PDCD1LG2: variants seen among roughly 807,000 people sequenced by gnomAD.
PDCD1LG2 encodes programmed cell death 1 ligand 2.
PDCD1LG2 carries 32 observed loss-of-function variants against 28.2 expected under a neutral mutation model. The ratio of observed to expected loss-of-function variants is 1.13; its 90% CI spans 0.86 to 1.52. The LOEUF (loss-of-function observed/expected upper bound fraction) is 1.52. Ranked by LOEUF, PDCD1LG2 falls within the 40% of genes most tolerant of loss-of-function variation. PDCD1LG2 has a pLI of 0.00. For missense variants in PDCD1LG2, 385 were observed against 323.8 expected (o/e 1.19, Z -1.45); for synonymous variants, 116 against 120.2 (o/e 0.97, Z 0.23).
At chr9:5,538,643 G>A (rs569966730) in intron 3 of PDCD1LG2, among the ~76,000 whole-genome samples, 3 of 151,004 alleles carry the variant, frequency 2.0e-5, no homozygotes, top group South Asian at 2.1e-4. Context: ...AGCCGAGATC[G>A]CTCCACTGCA....
chr9:5,535,235 C>T (rs150000123), intron 3 of PDCD1LG2, among the ~76,000 whole-genome samples, 185 bp downstream of exon 3: 4 of 152,138 alleles, frequency 2.6e-5, no homozygotes, highest in South Asian at 4.1e-4. Flanking sequence ...ACAAAGCAGC[C>T]GAAGTACAAG....
chr9:5,526,818 T>A (rs1487366331), intron 2 of PDCD1LG2, among the ~76,000 whole-genome samples: 1 of 152,228 alleles, frequency 6.6e-6, no homozygotes, highest in African/African-American at 2.4e-5. Flanking sequence ...TGTATGTTCT[T>A]TATAGTTTCC....
chr9:5,535,248 A>T, intron 3 of PDCD1LG2, among the ~76,000 whole-genome samples, 198 bp downstream of exon 3: 1 of 152,230 alleles, frequency 6.6e-6, no homozygotes, highest in African/African-American at 2.4e-5. Flanking sequence ...AGTACAAGTG[A>T]AAGGGGGTAG....
chr9:5,559,392 T>C lies in PDCD1LG2; in HGVS notation c.766+1640T>C, dbSNP rs577394701. 5.3e-5 allele frequency among the ~76,000 whole-genome samples: 8 copies of C among 152,338 alleles called. No homozygotes were observed. In the South Asian group the frequency reaches 1.7e-3, roughly 32 times the overall value. The stretch of plus-strand genomic sequence containing the variant: ...GCATTCAGATCTGCTTTCTTACATG[T>C]GTCTGCCATGCACACAAACTTGTGT... On this transcript the variant is annotated intron_variant, in intron 5 of 6. Transcript: ENST00000397747.
intron 5 of PDCD1LG2, among the ~76,000 whole-genome samples, chr9:5,559,575 AAGC>A (rs1338039229): frequency 6.6e-6 from 1 of 152,098 alleles, no homozygotes; most frequent in Admixed American, 6.5e-5. Flanking sequence ...GTAAAAGGGG[AAGC>A]AGCAAGAGAA....
intron 5 of PDCD1LG2, among the ~76,000 whole-genome samples, chr9:5,561,106 T>C (rs1316838382): frequency 6.6e-6 from 1 of 152,204 alleles, no homozygotes; most frequent in African/African-American, 2.4e-5. Context: ...ACATTGAACC[T>C]ACTATATGCA....
chr9:5,569,801 GA>G lies in PDCD1LG2; in HGVS notation c.817-150del, dbSNP rs1194616240. On this transcript the variant is annotated intron_variant, in intron 6 of 6. Coordinates refer to ENST00000397747, the MANE Select transcript of PDCD1LG2 (RefSeq NM_025239.4). This position sits in a 1 kb window ranked among gnomAD's most constrained non-coding sequence, Gnocchi z 4.1. ...GACTAGGGCAATGGTAAAAACTGTGGAAAGAAGTTTTAAATGAAAAGTTTTA... is the reference window on the plus strand; with the variant it reads ...GACTAGGGCAATGGTAAAAACTGTGGAAGAAGTTTTAAATGAAAAGTTTTA... Among the ~76,000 whole-genome samples, 3 of 152,208 alleles carry G rather than the reference GA, an allele frequency of 2.0e-5. No individual in the cohort carries two copies. The highest frequency in any genetic ancestry group is 4.4e-5 in the Non-Finnish European group (3 of 68,038).
At chr9:5,511,422 C>A (rs887749304) in intron 1 of PDCD1LG2, among the ~76,000 whole-genome samples, 1 of 152,184 alleles carries the variant, frequency 6.6e-6, no homozygotes, top group Non-Finnish European at 1.5e-5. Flanking sequence ...ATTGATTGCT[C>A]ACCGCCTGGA....
At position 5,544,191 on chromosome 9, in the gene PDCD1LG2, G is replaced by A. The variant is rs150941385; in HGVS notation, c.362-5144G>A. Among the ~76,000 whole-genome samples, 161 of 152,316 alleles carry A rather than the reference G, an allele frequency of 1.1e-3. 1 individual carries two copies. Among genetic ancestry groups the A allele is most frequent in the African/African-American group, 3.6e-3 (149 of 41,572 alleles). ...TTTAAACCTGTGGAAATCTAAAGCT[G>A]AAACTAGTAATTCTTTTAATGAGGG... On this transcript the variant is annotated intron_variant, in intron 3 of 6. Transcript: ENST00000397747.
intron 4 of PDCD1LG2, among the ~76,000 whole-genome samples, chr9:5,554,955 T>C (rs1816408164): frequency 6.6e-6 from 1 of 152,148 alleles, no homozygotes; most frequent in Non-Finnish European, 1.5e-5. Context: ...ATAGTGAGGA[T>C]TAAATGAAAT....
At position 5,522,410 on chromosome 9, in the gene PDCD1LG2, C is replaced by T; in HGVS notation, c.-14-123C>T. On this transcript the variant is annotated intron_variant, in intron 1 of 6. Coordinates refer to ENST00000397747, the MANE Select transcript of PDCD1LG2 (RefSeq NM_025239.4). The stretch of plus-strand genomic sequence containing the variant: ...CCTATAACTTCTCCTCCCAGCTCCA[C>T]TCTACCATGGTCTGTCACCTTCCCC... The T allele has an allele frequency of 5.9e-6, 4 of 675,862 alleles. No individual in the cohort carries two copies. The Admixed American group carries it at 1.0e-4, about 17-fold the overall frequency. 41.9% of individuals were successfully genotyped at this position (675,862 alleles called of 1,614,324 possible). A position where few individuals can be genotyped will look rare whatever the true frequency, so the allele number is the denominator to read the frequency against.
At chr9:5,538,352 T>G (rs1423738091) in intron 3 of PDCD1LG2, among the ~76,000 whole-genome samples, 1 of 152,140 alleles carries the variant, frequency 6.6e-6, no homozygotes, top group Non-Finnish European at 1.5e-5. Context: ...ATTTTTTTTC[T>G]TGTGGAAACT....
intron 2 of PDCD1LG2, among the ~76,000 whole-genome samples, chr9:5,527,416 C>A (rs1184012147): frequency 3.3e-5 from 5 of 152,134 alleles, no homozygotes; most frequent in African/African-American, 1.2e-4. Context: ...CATTAGATAT[C>A]CTTTTGTATC....
chr9:5,569,811 T>C lies in PDCD1LG2; in HGVS notation c.817-143T>C, dbSNP rs1236788336. On this transcript the variant is annotated intron_variant, in intron 6 of 6. Transcript: ENST00000397747. This position sits in a 1 kb window ranked among gnomAD's most constrained non-coding sequence, Gnocchi z 4.1. Reference sequence around the variant, plus strand: ...ATGGTAAAAACTGTGGAAAGAAGTTTTAAATGAAAAGTTTTAAACCATGCG... The same window carrying C: ...ATGGTAAAAACTGTGGAAAGAAGTTCTAAATGAAAAGTTTTAAACCATGCG... The C allele has an allele frequency of 5.1e-6, 4 of 791,848 alleles. No individual in the cohort carries two copies. Among genetic ancestry groups the C allele is most frequent in the Non-Finnish European group, 8.3e-6 (4 of 484,636 alleles). 49.1% of individuals were successfully genotyped at this position (791,848 alleles called of 1,614,324 possible).
At chr9:5,521,736 T>C (rs73641635) in intron 1 of PDCD1LG2, among the ~76,000 whole-genome samples, 1,791 of 152,338 alleles carry the variant, frequency 0.012, 39 homozygotes, top group African/African-American at 0.041. Context: ...CTGATTTAGA[T>C]GTATGGCTCC....
chr9:5,524,561 G>A (rs1820335838), intron 2 of PDCD1LG2, among the ~76,000 whole-genome samples: 1 of 151,990 alleles, frequency 6.6e-6, no homozygotes, highest in Non-Finnish European at 1.5e-5. Context: ...TTCTCCTCAT[G>A]GGATTTTTTT....
intron 3 of PDCD1LG2, among the ~76,000 whole-genome samples, chr9:5,547,386 C>T (rs1816233325): frequency 6.6e-6 from 1 of 152,202 alleles, no homozygotes; most frequent in African/African-American, 2.4e-5. Context: ...CACCAAATAT[C>T]AACAGGTGAC....
At chr9:5,539,659 C>G (rs1820652221) in intron 3 of PDCD1LG2, among the ~76,000 whole-genome samples, 1 of 152,062 alleles carries the variant, frequency 6.6e-6, no homozygotes. Context: ...CAGAGAGGCC[C>G]CAGGAGCCCA....
chr9:5,535,124 T>G, intron 3 of PDCD1LG2, 74 bp downstream of exon 3: 1 of 1,360,228 alleles, frequency 7.4e-7, no homozygotes, highest in Admixed American at 2.7e-5. Flanking sequence ...AGAAACCCAT[T>G]AAAGGTAGCT....
Sources: allele counts gnomAD v4.1 joint callset (sites outside exome capture counted in the v4.1 genomes callset), GRCh38; gene constraint gnomAD v4.1.1; non-coding constraint Gnocchi (gnomAD v3.1); transcripts MANE v1.5; gene names NCBI Gene and HGNC (gene_info 2026-07-23, HGNC 2026-07-21).